The following EPB41L4A variants were observed in gnomAD, a reference collection of about 807,000 sequenced individuals.
EPB41L4A encodes the protein band 4.1-like protein 4A.
EPB41L4A carries 100 observed loss-of-function variants against 108.6 expected under a neutral mutation model. That is an observed-to-expected ratio of 0.92 (90% CI 0.78 to 1.09). The LOEUF is 1.09. Ranked by LOEUF, EPB41L4A falls within the 50% of genes least tolerant of loss-of-function variation. The pLI, the probability that EPB41L4A is intolerant of heterozygous loss-of-function variation, is 0.00. For synonymous variants in EPB41L4A, 319 were observed against 289.0 expected (o/e 1.10, Z -1.05); for missense variants, 1,030 against 842.7 (o/e 1.22, Z -2.75).
At chr5:112,367,616 T>C (rs1397449005) in intron 1 of EPB41L4A, among the ~76,000 whole-genome samples, 1 of 151,922 alleles carries the variant, frequency 6.6e-6, no homozygotes, top group African/African-American at 2.4e-5. Context: ...CTTGATTTCC[T>C]CCCAAACCAA....
In EPB41L4A at chr5:112,213,690, T is replaced by C. The variant is rs376603813; in HGVS notation, c.1088-3708A>G. Among the ~76,000 whole-genome samples the C allele has an allele frequency of 7.2e-5, 11 of 152,210 alleles. No individual in the cohort carries two copies. In the East Asian group the frequency reaches 9.7e-4, roughly 13 times the overall value. On this transcript the variant is annotated intron_variant, in intron 12 of 22. Transcript: ENST00000261486. ...TCTTTTTATATGAACTAAATATCTC[T>C]TCATCTGTACTCCCCTACTCTATAA...
chr5:112,194,197 G>A (rs918575490), intron 17 of EPB41L4A, among the ~76,000 whole-genome samples: 1 of 152,074 alleles, frequency 6.6e-6, no homozygotes, highest in African/African-American at 2.4e-5. Flanking sequence ...GTTATTTTTG[G>A]TTGGGTAAAA....
intron 12 of EPB41L4A, among the ~76,000 whole-genome samples, chr5:112,154,087 T>C (rs1759567389): frequency 6.6e-6 from 1 of 152,146 alleles, no homozygotes; most frequent in Non-Finnish European, 1.5e-5. Flanking sequence ...TAATAATAAG[T>C]ATTAGAAGAG....
chr5:112,186,578 G>T (rs143581206), intron 17 of EPB41L4A, among the ~76,000 whole-genome samples: 1 of 152,312 alleles, frequency 6.6e-6, no homozygotes, highest in Non-Finnish European at 1.5e-5. Flanking sequence ...ATGTTTCAAA[G>T]ACAGATGCCC....
At chr5:112,250,153 T>C (rs905539603) in intron 9 of EPB41L4A, among the ~76,000 whole-genome samples, 69 of 152,188 alleles carry the variant, frequency 4.5e-4, no homozygotes, top group African/African-American at 1.6e-3. Context: ...CTTCACAGTG[T>C]AAAAATAAAA....
chr5:112,280,495 A>G (rs2150506558), intron 2 of EPB41L4A, among the ~76,000 whole-genome samples, 172 bp from the exon 3 acceptor site: 1 of 152,292 alleles, frequency 6.6e-6, no homozygotes, highest in South Asian at 2.1e-4. Context: ...CAAGAACAGT[A>G]AAAGAAAAAA....
At chr5:112,289,571 T>C (rs1054761532) in intron 2 of EPB41L4A, among the ~76,000 whole-genome samples, 1 of 152,222 alleles carries the variant, frequency 6.6e-6, no homozygotes, top group Non-Finnish European at 1.5e-5. Flanking sequence ...ACAGTGACCA[T>C]GCTCCTTCTG....
intron 3 of EPB41L4A, among the ~76,000 whole-genome samples, chr5:112,275,859 G>A (rs1204350504): frequency 6.6e-6 from 1 of 152,176 alleles, no homozygotes; most frequent in Admixed American, 6.6e-5. Flanking sequence ...CCAGCCACAG[G>A]ACATATACCA....
exon 14 of EPB41L4A, chr5:112,143,356 T>C (rs56092269): frequency 6.6e-6 from 1 of 152,212 alleles, no homozygotes; most frequent in African/African-American, 2.4e-5. Context: ...TATAGTAGAT[T>C]CTTAATGGAT....
rs1358136377 is a variant in EPB41L4A at position 112,359,865 on chromosome 5, AG to A, written c.100-52376del. Reference sequence around the variant, plus strand: ...AAAAGTCTTGATGAGTTTATTTTAAAGGTAAGTTATCTATTACTTTATTCTG... The same window carrying A: ...AAAAGTCTTGATGAGTTTATTTTAAAGTAAGTTATCTATTACTTTATTCTG... On this transcript the variant is annotated intron_variant, in intron 1 of 22. Coordinates refer to ENST00000261486, the MANE Select transcript of EPB41L4A (RefSeq NM_022140.5). 8.5e-5 allele frequency among the ~76,000 whole-genome samples: 13 copies of A among 152,308 alleles called. 1 individual carries two copies. The East Asian group carries it at 2.5e-3, about 29-fold the overall frequency.
chr5:112,379,197 C>T (rs77649668), intron 1 of EPB41L4A, among the ~76,000 whole-genome samples: 3,256 of 152,182 alleles, frequency 0.021, 126 homozygotes, highest in African/African-American at 0.067. Context: ...ATACATGTCC[C>T]CCCATTTAGA....
chr5:112,405,244 T>C (rs547343821), intron 1 of EPB41L4A, among the ~76,000 whole-genome samples: 3 of 152,180 alleles, frequency 2.0e-5, no homozygotes, highest in African/African-American at 7.2e-5. Flanking sequence ...GGCCTATGGT[T>C]TTCTGTTGAA....
chr5:112,367,271 C>T (rs1305496523), intron 1 of EPB41L4A, among the ~76,000 whole-genome samples: 2 of 152,174 alleles, frequency 1.3e-5, no homozygotes, highest in African/African-American at 4.8e-5. Context: ...AGTACTGCAC[C>T]TCATATCTGC....
At chr5:112,262,049 G>A (rs946087575) in intron 7 of EPB41L4A, among the ~76,000 whole-genome samples, 10 of 151,952 alleles carry the variant, frequency 6.6e-5, no homozygotes, top group South Asian at 2.1e-4. Context: ...CCGCCACCAC[G>A]TCCAGCTAAT....
chr5:112,148,552 T>G (rs142460991), intron 12 of EPB41L4A, among the ~76,000 whole-genome samples: 20 of 152,266 alleles, frequency 1.3e-4, no homozygotes, highest in African/African-American at 4.6e-4. Context: ...AAGGTAATAT[T>G]TGTTTTGAAA....
chr5:112,374,486 A>G (rs1759687789), intron 1 of EPB41L4A, among the ~76,000 whole-genome samples: 1 of 152,214 alleles, frequency 6.6e-6, no homozygotes, highest in Admixed American at 6.5e-5. Context: ...GCACTATAAA[A>G]CACTCTGGCC....
intron 11 of EPB41L4A, among the ~76,000 whole-genome samples, chr5:112,237,893 A>T (rs1749465819): frequency 6.6e-6 from 1 of 152,194 alleles, no homozygotes; most frequent in South Asian, 2.1e-4. Context: ...ATCAGCCACA[A>T]AATTGGAACA....
chr5:112,313,858 CTTTTTTTTTTT>C (rs1188991050), intron 1 of EPB41L4A, among the ~76,000 whole-genome samples: 1 of 89,480 alleles, frequency 1.1e-5, no homozygotes, highest in South Asian at 4.0e-4. Flanking sequence ...AGGTAACTTT[CTTTTTTTTTTT>C]TTTTTTTTTT....
At chr5:112,404,591 G>T (rs975314873) in intron 1 of EPB41L4A, among the ~76,000 whole-genome samples, 3 of 152,194 alleles carry the variant, frequency 2.0e-5, no homozygotes, top group Admixed American at 6.5e-5. Flanking sequence ...GAAGGAGCTG[G>T]AAGCAGAATC....
Sources: gnomAD v4.1 joint callset for allele counts (sites outside exome capture counted in the v4.1 genomes callset) on GRCh38, gnomAD v4.1.1 for gene constraint, MANE v1.5 for transcripts, NCBI Gene and HGNC (gene_info 2026-07-23, HGNC 2026-07-21) for gene names.